USP6NL: variants seen among roughly 807,000 people sequenced by gnomAD.
The protein encoded by USP6NL is USP6 N-terminal-like protein.
A neutral mutation model predicts 61.9 loss-of-function variants in USP6NL; 26 were observed. The ratio of observed to expected loss-of-function variants is 0.42; its 90% CI spans 0.31 to 0.58. The LOEUF (loss-of-function observed/expected upper bound fraction) is 0.58, where lower values mean the gene tolerates loss of function less well. Among genes scored for constraint, USP6NL ranks in the 20% least tolerant of loss-of-function variants. The probability of loss-of-function intolerance (pLI) is 0.16; values close to 1 mark genes in which losing one functional copy is unlikely to be tolerated. For synonymous variants in USP6NL, 432 were observed against 390.1 expected (o/e 1.11, Z -1.27); for missense variants, 1,114 against 1,034.3 (o/e 1.08, Z -1.06).
rs562223309 is a variant in USP6NL at position 11,554,534 on chromosome 10, T to G, written c.5-26967A>C. ...CCAGACTCCAGCTCAGGCCCCTGAA[T>G]GACTATGCCCTAGGATCAATGGAGA... On this transcript the variant is annotated intron_variant, in intron 2 of 14. Transcript: ENST00000609104. Among the ~76,000 whole-genome samples, 5 of 152,322 alleles carry G rather than the reference T, an allele frequency of 3.3e-5. No individual in the cohort carries two copies. In the East Asian group the frequency reaches 7.7e-4, roughly 23 times the overall value.
chr10:11,480,953 T>C (rs753642065), intron 14 of USP6NL, among the ~76,000 whole-genome samples: 2 of 152,214 alleles, frequency 1.3e-5, no homozygotes, highest in Non-Finnish European at 2.9e-5. Context: ...GGTAGAAACT[T>C]TGAAAGTTAT....
rs1426231788 is a variant in USP6NL, at chr10:11,495,616, G to C, written c.385-2388C>G. ...ATTAAGTTTTTCATTACTAATATTT[G>C]TTATATTCATAAGCTCTGTTGTTTT... On this transcript the variant is annotated intron_variant, in intron 7 of 14. Coordinates refer to ENST00000609104, the MANE Select transcript of USP6NL (RefSeq NM_014688.5). This position sits in a 1 kb window ranked among gnomAD's most constrained non-coding sequence, Gnocchi z 4.6. Among the ~76,000 whole-genome samples the C allele has an allele frequency of 1.3e-5, 2 of 151,986 alleles. No homozygotes were observed. Among genetic ancestry groups the C allele is most frequent in the Non-Finnish European group, 2.9e-5 (2 of 67,978 alleles).
chr10:11,523,005 C>T (rs983486561), intron 4 of USP6NL, among the ~76,000 whole-genome samples: 16 of 152,318 alleles, frequency 1.1e-4, no homozygotes, highest in African/African-American at 3.6e-4. Flanking sequence ...AAAAACAGTA[C>T]CTACCCCAAA....
At position 11,597,942 on chromosome 10, in the gene USP6NL, T is replaced by A. The variant is rs1055528467; in HGVS notation, c.-83-225A>T. Among the ~76,000 whole-genome samples the A allele has an allele frequency of 1.3e-5, 2 of 152,244 alleles. No homozygotes were observed. Among genetic ancestry groups the A allele is most frequent in the African/African-American group, 4.8e-5 (2 of 41,476 alleles). ...TAAGTTACTTCAAATTTAAGTGATATGTAGTAAGTAATCACCACATAGAAA... is the reference window on the plus strand; with the variant it reads ...TAAGTTACTTCAAATTTAAGTGATAAGTAGTAAGTAATCACCACATAGAAA... On this transcript the variant is annotated intron_variant, in intron 1 of 14. Transcript: ENST00000609104. The surrounding 1 kb of genome is among the most constrained non-coding windows in gnomAD (Gnocchi z 4.6).
At position 11,510,025 on chromosome 10, in the gene USP6NL, CTCTTCTT is replaced by C. The variant is rs1160149730; in HGVS notation, c.196-357_196-351del. ...AAAAACACTACTTTGAAATTTAATTCTCTTCTTTCTTATTTTACTGAATTCTAGTATA... is the reference window on the plus strand; with the variant it reads ...AAAAACACTACTTTGAAATTTAATTCTCTTATTTTACTGAATTCTAGTATA... On this transcript the variant is annotated intron_variant, in intron 5 of 14. Coordinates refer to ENST00000609104, the MANE Select transcript of USP6NL (RefSeq NM_014688.5). The surrounding 1 kb of genome is among the most constrained non-coding windows in gnomAD (Gnocchi z 4.8). Among the ~76,000 whole-genome samples the C allele has an allele frequency of 8.2e-6, 1 of 121,326 alleles. No homozygotes were observed. Among genetic ancestry groups the C allele is most frequent in the Admixed American group, 7.9e-5 (1 of 12,714 alleles). 79.6% of individuals were successfully genotyped at this position (121,326 alleles called of 152,430 possible). A position where few individuals can be genotyped will look rare whatever the true frequency, so the allele number is the denominator to read the frequency against.
At chr10:11,565,792 T>A (rs1031157164) in intron 2 of USP6NL, among the ~76,000 whole-genome samples, 1 of 152,032 alleles carries the variant, frequency 6.6e-6, no homozygotes, top group African/African-American at 2.4e-5. Context: ...GAGAGGCTGG[T>A]TAAGGAGGAG....
Position 11,592,907 on chromosome 10 carries a change from A to T in USP6NL, c.4+4724T>A, listed in dbSNP as rs1838198480. ...AATTGTTCTTCACTTCAGCATGAAC[A>T]CTTAGTCCCCTGCTCCAGTGAATGA... On this transcript the variant is annotated intron_variant, in intron 2 of 14. Transcript: ENST00000609104. The surrounding 1 kb of genome is among the most constrained non-coding windows in gnomAD (Gnocchi z 4.7). Among the ~76,000 whole-genome samples the T allele has an allele frequency of 6.6e-6, 1 of 152,230 alleles. No homozygotes were observed.
chr10:11,602,139 T>A lies in USP6NL; in HGVS notation c.-83-4422A>T, dbSNP rs1819810001. ...TTAATTCACATTTAATAGATTCTCA[T>A]GTACTCATTTAAAATGTCTTAAAGA... On this transcript the variant is annotated intron_variant, in intron 1 of 14. Coordinates refer to ENST00000609104, the MANE Select transcript of USP6NL (RefSeq NM_014688.5). The surrounding 1 kb of genome is among the most constrained non-coding windows in gnomAD (Gnocchi z 4.8). 6.6e-6 allele frequency among the ~76,000 whole-genome samples: 1 copy of A among 152,194 alleles called. No homozygotes were observed. The highest frequency in any genetic ancestry group is 2.4e-5 in the African/African-American group (1 of 41,438).
Position 11,485,844 on chromosome 10 carries a change from T to C in USP6NL, c.732A>G (p.Lys244=). The change falls in exon 11 of 15, where the codon AAA becomes AAG. Residue 244 remains lysine, a synonymous_variant. Coordinates refer to ENST00000609104, the MANE Select transcript of USP6NL (RefSeq NM_014688.5). The surrounding 1 kb of genome is among the most constrained non-coding windows in gnomAD (Gnocchi z 4.8). ...AGTGTTGCTTAAGCTTGGACAGAAA[T>C]TTGTTCAGTATTTTTTCATGATGTT... is the stretch of plus-strand genomic sequence containing the variant. The part of the protein sequence containing the change: ...FQEHHEKILN[K]FLSKLKQHLD... 1 of 1,556,514 alleles carries C rather than the reference T, an allele frequency of 6.4e-7. No individual in the cohort carries two copies.
chr10:11,571,774 T>C (rs936228539), intron 2 of USP6NL, among the ~76,000 whole-genome samples: 8 of 151,108 alleles, frequency 5.3e-5, no homozygotes, highest in African/African-American at 1.9e-4. Context: ...AAGGATAAAA[T>C]AGTAAATTGG....
intron 4 of USP6NL, among the ~76,000 whole-genome samples, chr10:11,523,607 A>C (rs925826522): frequency 5.9e-5 from 9 of 152,192 alleles, no homozygotes; most frequent in African/African-American, 2.2e-4. Context: ...AATGCTAAAA[A>C]GCCAAATACA....
intron 4 of USP6NL, among the ~76,000 whole-genome samples, chr10:11,519,033 T>C (rs1835089888): frequency 6.6e-6 from 1 of 152,218 alleles, no homozygotes; most frequent in African/African-American, 2.4e-5. Context: ...ACGGTAAGTA[T>C]TTGAGACTTT....
rs1321836495 is a variant in USP6NL at position 11,478,938 on chromosome 10, G to A, written c.1078+2832C>T. On this transcript the variant is annotated intron_variant, in intron 14 of 14. Coordinates refer to ENST00000609104, the MANE Select transcript of USP6NL (RefSeq NM_014688.5). The surrounding 1 kb of genome is among the most constrained non-coding windows in gnomAD (Gnocchi z 6.8). ...AAAAGTGTAACTGGAAAAGCAGAGAGCAATGGAACAGAATAGAGTGCCAAA... is the reference window on the plus strand; with the variant it reads ...AAAAGTGTAACTGGAAAAGCAGAGAACAATGGAACAGAATAGAGTGCCAAA... Among the ~76,000 whole-genome samples, 1 of 151,930 alleles carries A rather than the reference G, an allele frequency of 6.6e-6. No homozygotes were observed. Among genetic ancestry groups the A allele is most frequent in the East Asian group, 1.9e-4 (1 of 5,178 alleles).
Position 11,463,976 on chromosome 10 carries a change from G to T in USP6NL, c.1079-127C>A. 1 of 887,610 alleles carries T rather than the reference G, an allele frequency of 1.1e-6. No homozygotes were observed. The highest frequency in any genetic ancestry group is 1.7e-6 in the Non-Finnish European group (1 of 594,306). 55.0% of individuals were successfully genotyped at this position (887,610 alleles called of 1,614,324 possible). On this transcript the variant is annotated intron_variant, in intron 14 of 14. Coordinates refer to ENST00000609104, the MANE Select transcript of USP6NL (RefSeq NM_014688.5). The surrounding 1 kb of genome is among the most constrained non-coding windows in gnomAD (Gnocchi z 6.3). Reference sequence around the variant, plus strand: ...GATACACGCTGACATACAACACACTGTCATACAACACACTGTTTATACCAC... The same window carrying T: ...GATACACGCTGACATACAACACACTTTCATACAACACACTGTTTATACCAC...
chr10:11,461,150 A>G lies in USP6NL; in HGVS notation c.*1291T>C, dbSNP rs910460650. ...AAACAAGCTCCCCAATTAAACACGA[A>G]GTCATACTCTCTTGGAGTGCCTAAA... On this transcript the variant is annotated 3_prime_UTR_variant, in exon 15 of 15. Coordinates refer to ENST00000609104, the MANE Select transcript of USP6NL (RefSeq NM_014688.5). 6.6e-6 allele frequency: 1 copy of G among 152,622 alleles called. No individual in the cohort carries two copies. The highest frequency in any genetic ancestry group is 1.5e-5 in the Non-Finnish European group (1 of 68,038). 9.5% of individuals were successfully genotyped at this position (152,622 alleles called of 1,614,324 possible).
chr10:11,565,232 A>G (rs542724746), intron 2 of USP6NL: 2 of 152,360 alleles, frequency 1.3e-5, no homozygotes, highest in South Asian at 4.1e-4. Flanking sequence ...CATATGCGAT[A>G]CACACTTGAG....
chr10:11,609,364 G>A lies in USP6NL; in HGVS notation c.-84+2079C>T, dbSNP rs188478815. 5.9e-5 allele frequency among the ~76,000 whole-genome samples: 9 copies of A among 152,168 alleles called. No individual in the cohort carries two copies. In the East Asian group the frequency reaches 1.4e-3, roughly 23 times the overall value. On this transcript the variant is annotated intron_variant, in intron 1 of 14. Coordinates refer to ENST00000609104, the MANE Select transcript of USP6NL (RefSeq NM_014688.5). ...TTACAGGCATGAGCCACTGCAACCCGCCAGTCTATGCTTTTCAAAAATCAC... is the reference window on the plus strand; with the variant it reads ...TTACAGGCATGAGCCACTGCAACCCACCAGTCTATGCTTTTCAAAAATCAC...
At chr10:11,507,467 C>A (rs1425653885) in intron 6 of USP6NL, among the ~76,000 whole-genome samples, 2 of 152,108 alleles carry the variant, frequency 1.3e-5, no homozygotes, top group South Asian at 2.1e-4. Context: ...AAATCAACCA[C>A]CCCAAATGAA....
chr10:11,546,966 G>C (rs936710092), intron 2 of USP6NL, among the ~76,000 whole-genome samples: 1 of 152,066 alleles, frequency 6.6e-6, no homozygotes, highest in Non-Finnish European at 1.5e-5. Context: ...TCCCCAAATC[G>C]ACAGCCAATA....
Sources: allele counts gnomAD v4.1 joint callset (sites outside exome capture counted in the v4.1 genomes callset), GRCh38; gene constraint gnomAD v4.1.1; non-coding constraint Gnocchi (gnomAD v3.1); transcripts MANE v1.5; gene names NCBI Gene and HGNC (gene_info 2026-07-23, HGNC 2026-07-21).